The following FCRL4 variants were observed in gnomAD, a reference collection of about 807,000 sequenced individuals.
FCRL4 encodes Fc receptor-like protein 4.
In FCRL4, 43 loss-of-function variants were observed where a neutral mutation model predicts 64.1. That is an observed-to-expected ratio of 0.67 (90% CI 0.53 to 0.87). The LOEUF is 0.87. Among genes scored for constraint, FCRL4 ranks in the 40% least tolerant of loss-of-function variants. The pLI, the probability that FCRL4 is intolerant of heterozygous loss-of-function variation, is 0.00. For synonymous variants in FCRL4, 253 were observed against 239.8 expected (o/e 1.05, Z -0.51); for missense variants, 656 against 613.5 (o/e 1.07, Z -0.73).
chr1:157,574,837 C>T lies in FCRL4; in HGVS notation c.*687G>A, dbSNP rs1372008657. On this transcript the variant is annotated 3_prime_UTR_variant, in exon 12 of 12. Transcript: ENST00000271532. ...AATTTTATATTTGTGTCTCTTTTCT[C>T]TAATGTTGCAAATCTTTGTCACTAA... 4.8e-6 allele frequency: 1 copy of T among 209,266 alleles called. No individual in the cohort carries two copies. Among genetic ancestry groups the T allele is most frequent in the African/African-American group, 2.3e-5 (1 of 43,992 alleles). The allele number at this position is 209,266 out of a possible 1,614,324, so 13.0% of individuals were successfully genotyped here. A position where few individuals can be genotyped will look rare whatever the true frequency, so the allele number is the denominator to read the frequency against.
At position 157,580,227 on chromosome 1, in the gene FCRL4, A is replaced by G. The variant is rs952589472; in HGVS notation, c.1277+94T>C. On this transcript the variant is annotated intron_variant, in intron 8 of 11. Coordinates refer to ENST00000271532, the MANE Select transcript of FCRL4 (RefSeq NM_031282.3). ...ATGGAAGTATCTAGCCACAGGGCCA[A>G]AGAGGTATAACTTGACCTAATTTCA... 6.7e-6 allele frequency: 9 copies of G among 1,342,488 alleles called. No individual in the cohort carries two copies. In the East Asian group the frequency reaches 1.4e-4, roughly 21 times the overall value. 83.2% of individuals were successfully genotyped at this position (1,342,488 alleles called of 1,614,324 possible).
At chr1:157,595,722 C>A (rs1467259335) in intron 2 of FCRL4, among the ~76,000 whole-genome samples, 1 of 152,228 alleles carries the variant, frequency 6.6e-6, no homozygotes, top group Non-Finnish European at 1.5e-5. Context: ...AGACAGTGCA[C>A]CTCAAGGGGG....
rs1470197399 is a variant in FCRL4 at position 157,586,198 on chromosome 1, GGA to G, written c.1103_1104del (p.Val368AlafsTer85). The G allele has an allele frequency of 6.2e-7, 1 of 1,613,570 alleles. No individual in the cohort carries two copies. The highest frequency in any genetic ancestry group is 8.5e-7 in the Non-Finnish European group (1 of 1,179,540). On this transcript the variant is annotated frameshift_variant, in exon 6 of 12. Coordinates refer to ENST00000271532, the MANE Select transcript of FCRL4 (RefSeq NM_031282.3). LOFTEE classifies it high-confidence loss of function. ...ACAGTGACATTCAGCACCATGCTCT[GGA>G]CAGGGCCGTAGCTGTTGTCTGCTGT... ...YCTADNSYGP[V>X]QSMVLNVTVR...
chr1:157,587,623 G>A, intron 4 of FCRL4, 63 bp from the exon 5 acceptor site: 2 of 1,533,084 alleles, frequency 1.3e-6, no homozygotes, highest in Non-Finnish European at 1.8e-6. Flanking sequence ...TGAGAGACAG[G>A]TTTGGATGCT....
chr1:157,581,639 G>A lies in FCRL4; in HGVS notation c.1141C>T (p.Pro381Ser), dbSNP rs368781079. The change falls in exon 7 of 12, where the codon CCA (proline) becomes TCA (serine). Residue 381 changes from proline to serine, a missense_variant. Pro to Ser is a moderately conservative substitution (Grantham distance 74). Coordinates refer to ENST00000271532, the MANE Select transcript of FCRL4 (RefSeq NM_031282.3). Reference sequence around the variant, plus strand: ...GCGACAAGGCCATCTCTGTTGCCTGGGGTCTCTAAGGGGAAAGGACCTGTG... The same window carrying A: ...GCGACAAGGCCATCTCTGTTGCCTGAGGTCTCTAAGGGGAAAGGACCTGTG... ...MVLNVTVRET[P>S]GNRDGLVAAG... 2.2e-5 allele frequency: 36 copies of A among 1,612,786 alleles called. 2 individuals carry two copies. In the African/African-American group the frequency reaches 3.7e-4, roughly 17 times the overall value.
chr1:157,585,360 T>C (rs866819090), intron 6 of FCRL4, among the ~76,000 whole-genome samples: 31 of 91,286 alleles, frequency 3.4e-4, no homozygotes, highest in East Asian at 1.5e-3. Context: ...CTTTCTTTCT[T>C]TCTTTCTTTC....
chr1:157,589,025 C>T (rs1652773169), intron 3 of FCRL4, among the ~76,000 whole-genome samples, 179 bp downstream of exon 3: 1 of 152,172 alleles, frequency 6.6e-6, no homozygotes, highest in Non-Finnish European at 1.5e-5. Context: ...ACCATTTAAA[C>T]TCAAGTTTCA....
Position 157,586,208 on chromosome 1 carries a change from G to A in FCRL4, c.1095C>T (p.Tyr365=), listed in dbSNP as rs141411533. The stretch of plus-strand genomic sequence containing the variant: ...TCAGCACCATGCTCTGGACAGGGCC[G>A]TAGCTGTTGTCTGCTGTACAGTAGT... ...GGYYCTADNS[Y]GPVQSMVLNV... Residue 365 remains tyrosine (Y), a synonymous_variant, in exon 6 of 12, where the codon TAC becomes TAT. Coordinates refer to ENST00000271532, the MANE Select transcript of FCRL4 (RefSeq NM_031282.3). 7.3e-5 allele frequency: 118 copies of A among 1,613,738 alleles called. No homozygotes were observed. The highest frequency in any genetic ancestry group is 1.9e-4 in the African/African-American group (14 of 74,902).
chr1:157,594,682 G>A (rs1557793701), intron 2 of FCRL4, among the ~76,000 whole-genome samples: 1 of 151,996 alleles, frequency 6.6e-6, no homozygotes, highest in Non-Finnish European at 1.5e-5. Context: ...AAGATTTTCA[G>A]GCAATTACTT....
At chr1:157,591,437 G>T (rs989896641) in intron 2 of FCRL4, among the ~76,000 whole-genome samples, 30 of 152,184 alleles carry the variant, frequency 2.0e-4, no homozygotes, top group Non-Finnish European at 1.5e-5. Flanking sequence ...ATGAGCATGT[G>T]GTGGGACAGG....
intron 1 of FCRL4, 47 bp from the exon 2 acceptor site, chr1:157,596,395 G>T: frequency 6.2e-7 from 1 of 1,611,144 alleles, no homozygotes; most frequent in South Asian, 1.1e-5. Flanking sequence ...GAAGAGTCCC[G>T]AACTATTCAC....
intron 7 of FCRL4, among the ~76,000 whole-genome samples, chr1:157,581,087 C>T (rs1437711677): frequency 6.9e-6 from 1 of 144,274 alleles, no homozygotes; most frequent in African/African-American, 2.4e-5. Context: ...CCCAGAAAAG[C>T]CCCTGAGGGG....
At chr1:157,576,464 A>C (rs550756889) in intron 10 of FCRL4, among the ~76,000 whole-genome samples, 4 of 152,198 alleles carry the variant, frequency 2.6e-5, no homozygotes, top group Non-Finnish European at 4.4e-5. Context: ...TAATGGTCAT[A>C]TGTACAAAAC....
At chr1:157,590,267 G>GT (rs145822858) in intron 2 of FCRL4, among the ~76,000 whole-genome samples, 2 of 151,794 alleles carry the variant, frequency 1.3e-5, no homozygotes, top group Admixed American at 6.6e-5. Flanking sequence ...TAGAGTTTGA[G>GT]TTTTTTTTCA....
intron 2 of FCRL4, among the ~76,000 whole-genome samples, chr1:157,595,086 G>C (rs1213991635): frequency 6.6e-6 from 1 of 152,092 alleles, no homozygotes; most frequent in Non-Finnish European, 1.5e-5. Flanking sequence ...TTTCAGTAGA[G>C]ATGAGGTTTC....
At chr1:157,580,521 T>A in intron 7 of FCRL4, 173 bp from the exon 8 acceptor site, 1 of 657,548 alleles carries the variant, frequency 1.5e-6, no homozygotes, top group Non-Finnish European at 2.7e-6. Flanking sequence ...AGCATATAAC[T>A]TTTTGAGGCC....
chr1:157,577,927 T>C (rs1438694376), intron 10 of FCRL4, among the ~76,000 whole-genome samples: 1 of 152,110 alleles, frequency 6.6e-6, no homozygotes, highest in Non-Finnish European at 1.5e-5. Context: ...TAAAGGTTGC[T>C]CGAGACTTAC....
intron 10 of FCRL4, 146 bp from the exon 11 acceptor site, chr1:157,575,876 C>T: frequency 1.3e-6 from 1 of 768,890 alleles, no homozygotes. Context: ...TCCTGCAATA[C>T]ATATGACTTT....
At chr1:157,581,420 C>A (rs1652556368) in intron 7 of FCRL4, 111 bp downstream of exon 7, 2 of 807,862 alleles carry the variant, frequency 2.5e-6, no homozygotes, top group Admixed American at 2.2e-5. Context: ...GGAGTGGAGA[C>A]TTGGGAGTGG....
Sources: allele counts gnomAD v4.1 joint callset (sites outside exome capture counted in the v4.1 genomes callset), GRCh38; gene constraint gnomAD v4.1.1; transcripts MANE v1.5; gene names NCBI Gene and HGNC (gene_info 2026-07-23, HGNC 2026-07-21).